Variants in CLPB observed in about 807,000 individuals in gnomAD.
CLPB encodes the protein ClpB family mitochondrial disaggregase, also known as mitochondrial disaggregase.
A neutral mutation model predicts 78.4 loss-of-function variants in CLPB; 40 were observed. That is an observed-to-expected ratio of 0.51 (90% CI 0.40 to 0.66). The LOEUF (loss-of-function observed/expected upper bound fraction) is 0.66. Among genes scored for constraint, CLPB ranks in the 30% least tolerant of loss-of-function variants. The pLI, the probability that CLPB is intolerant of heterozygous loss-of-function variation, is 0.00. For missense variants in CLPB, 780 were observed against 886.9 expected, an observed-to-expected ratio of 0.88 and a Z score of 1.53; for synonymous variants, 333 against 348.0, an observed-to-expected ratio of 0.96 and a Z score of 0.48.
chr11:72,317,697 T>C (rs1949973952), intron 6 of CLPB, among the ~76,000 whole-genome samples: 2 of 152,256 alleles, frequency 1.3e-5, no homozygotes, highest in Admixed American at 1.3e-4. Flanking sequence ...AAGAGAGCTA[T>C]GAACACCCTC....
chr11:72,429,543 C>T (rs2135165444), intron 2 of CLPB, among the ~76,000 whole-genome samples: 1 of 152,310 alleles, frequency 6.6e-6, no homozygotes, highest in South Asian at 2.1e-4. Flanking sequence ...GTCCTATGGC[C>T]ACCTAGCTCT....
At chr11:72,388,888 G>C (rs893713955) in intron 3 of CLPB, among the ~76,000 whole-genome samples, 4 of 152,168 alleles carry the variant, frequency 2.6e-5, no homozygotes, top group African/African-American at 9.7e-5. Context: ...AGCCAGGTTA[G>C]AGAAATCTAA....
intron 15 of CLPB, 55 bp downstream of exon 15, chr11:72,293,967 G>C: frequency 6.8e-7 from 1 of 1,476,770 alleles, no homozygotes; most frequent in Non-Finnish European, 9.4e-7. Context: ...TGGGTCTGGG[G>C]GGCCCTGGGG....
chr11:72,427,170 G>C (rs931350848), intron 2 of CLPB, among the ~76,000 whole-genome samples: 2 of 152,032 alleles, frequency 1.3e-5, no homozygotes, highest in African/African-American at 2.4e-5. Flanking sequence ...TTAAAGAGGA[G>C]GATCGAATAC....
Position 72,434,278 on chromosome 11 carries a change from C to T in CLPB, c.197G>A (p.Arg66His). Reference protein sequence around the residue: ...PGTSPALFSGRGAATGGRQGG... With the variant: ...PGTSPALFSGHGAATGGRQGG... ...CTGGCGCCCCCCGGTGGCTGCCCCA[C>T]GTCCGGAGAACAAGGCCGGCGATGT... Residue 66 changes from arginine to histidine, a missense_variant, in exon 1 of 16, where the codon CGT becomes CAT. Arg to His is a conservative substitution (Grantham distance 29, BLOSUM62 0). Around this residue, in one of 3 missense-constraint regions of CLPB, gnomAD observed 417 missense variants for 414.7 expected, o/e 1.01. Transcript: ENST00000538039. 2 of 1,612,400 alleles carry T rather than the reference C, an allele frequency of 1.2e-6. No individual in the cohort carries two copies. Among genetic ancestry groups the T allele is most frequent in the African/African-American group, 1.3e-5 (1 of 74,834 alleles).
intron 5 of CLPB, among the ~76,000 whole-genome samples, chr11:72,344,438 C>G (rs1248957446): frequency 1.3e-5 from 2 of 151,970 alleles, no homozygotes; most frequent in Non-Finnish European, 2.9e-5. Flanking sequence ...TCTCAAACTC[C>G]CGGGCTCAAG....
chr11:72,370,955 T>C (rs1951030281), intron 4 of CLPB, among the ~76,000 whole-genome samples: 1 of 152,334 alleles, frequency 6.6e-6, no homozygotes, highest in Non-Finnish European at 1.5e-5. Flanking sequence ...TAATGTTGCA[T>C]CTTTATTGCT....
intron 6 of CLPB, among the ~76,000 whole-genome samples, chr11:72,327,799 C>A (rs1370877660): frequency 2.0e-5 from 3 of 152,194 alleles, no homozygotes. Flanking sequence ...GACCTCCTGA[C>A]CTGCTCCTAG....
intron 2 of CLPB, among the ~76,000 whole-genome samples, chr11:72,415,133 T>C (rs986080202): frequency 7.2e-5 from 11 of 152,252 alleles, no homozygotes; most frequent in African/African-American, 2.6e-4. Context: ...GGAGAATCAC[T>C]TGAACCCGGG....
At chr11:72,403,745 G>C (rs1296445903) in intron 2 of CLPB, among the ~76,000 whole-genome samples, 3 of 152,182 alleles carry the variant, frequency 2.0e-5, no homozygotes, top group Admixed American at 6.5e-5. Context: ...CTATATGCCA[G>C]TGCCTAACAC....
intron 5 of CLPB, among the ~76,000 whole-genome samples, chr11:72,342,663 C>T (rs1256787244): frequency 6.6e-6 from 1 of 152,092 alleles, no homozygotes; most frequent in African/African-American, 2.4e-5. Flanking sequence ...GTTCAAAGTG[C>T]ACTATCAGAG....
At chr11:72,332,446 G>A (rs1054086809) in intron 5 of CLPB, among the ~76,000 whole-genome samples, 4 of 151,948 alleles carry the variant, frequency 2.6e-5, no homozygotes, top group African/African-American at 9.7e-5. Context: ...CTGGGATCAC[G>A]CCACTGCACT....
intron 3 of CLPB, among the ~76,000 whole-genome samples, chr11:72,387,925 AC>A (rs1405397740): frequency 1.3e-5 from 2 of 151,656 alleles, no homozygotes; most frequent in African/African-American, 2.4e-5. Context: ...ATTCAATCAC[AC>A]CCCCTCCCAT....
intron 2 of CLPB, among the ~76,000 whole-genome samples, chr11:72,407,089 C>T (rs780667822): frequency 3.3e-5 from 5 of 152,236 alleles, no homozygotes; most frequent in Non-Finnish European, 7.3e-5. Flanking sequence ...CAGGGAGCCT[C>T]TATCTCCCAG....
chr11:72,322,430 C>T (rs373774428), intron 6 of CLPB, among the ~76,000 whole-genome samples: 4 of 152,226 alleles, frequency 2.6e-5, no homozygotes, highest in African/African-American at 7.2e-5. Context: ...GTGATCCACC[C>T]GTCTTGGCCT....
At chr11:72,344,302 G>A (rs1193153279) in intron 5 of CLPB, among the ~76,000 whole-genome samples, 2 of 151,948 alleles carry the variant, frequency 1.3e-5, no homozygotes, top group African/African-American at 4.8e-5. Context: ...TCCACCTCCC[G>A]GACTCAAGCA....
chr11:72,374,450 C>T (rs567247654), intron 4 of CLPB, among the ~76,000 whole-genome samples: 46 of 152,262 alleles, frequency 3.0e-4, no homozygotes, highest in Admixed American at 1.2e-3. Flanking sequence ...TCTGAAGATG[C>T]CACTCTGAGG....
chr11:72,396,159 G>A (rs1855400471), intron 3 of CLPB, among the ~76,000 whole-genome samples: 1 of 152,120 alleles, frequency 6.6e-6, no homozygotes. Context: ...CCACATCCAG[G>A]AAGGCCTTGG....
At chr11:72,334,171 T>C (rs1950278781) in intron 5 of CLPB, among the ~76,000 whole-genome samples, 1 of 152,182 alleles carries the variant, frequency 6.6e-6, no homozygotes, top group Non-Finnish European at 1.5e-5. Context: ...GAATGAAAAA[T>C]GTGTGCCATA....
Sources: allele counts gnomAD v4.1 joint callset (sites outside exome capture counted in the v4.1 genomes callset), GRCh38; gene constraint gnomAD v4.1.1; regional missense constraint gnomAD v4.1.1; transcripts MANE v1.5; gene names NCBI Gene and HGNC (gene_info 2026-07-23, HGNC 2026-07-21).